MYO3A: variants seen among roughly 807,000 people sequenced by gnomAD.
MYO3A encodes the protein myosin IIIA.
Under a neutral mutation model 192.7 loss-of-function variants are expected in MYO3A, and 180 were observed. The observed-to-expected ratio is 0.93, with a 90% CI of 0.83 to 1.06. MYO3A has a LOEUF of 1.06. Ranked by LOEUF, MYO3A falls within the 50% of genes least tolerant of loss-of-function variation. The pLI is 0.00. For missense variants in MYO3A, 1,896 were observed against 1,905.0 expected, an observed-to-expected ratio of 1.00 and a Z score of 0.09; for synonymous variants, 628 against 645.3, an observed-to-expected ratio of 0.97 and a Z score of 0.41.
intron 10 of MYO3A, among the ~76,000 whole-genome samples, chr10:26,062,185 G>A (rs867468460): frequency 3.3e-5 from 5 of 151,724 alleles, no homozygotes; most frequent in Admixed American, 2.6e-4. Context: ...ATTCTAGTAA[G>A]GACTTCAAAT....
chr10:26,182,498 C>T (rs901998034), intron 31 of MYO3A, among the ~76,000 whole-genome samples: 16 of 152,106 alleles, frequency 1.1e-4, no homozygotes, highest in Admixed American at 6.5e-5. Flanking sequence ...AAGAAAAAAA[C>T]AAATGTTGTG....
chr10:25,985,945 C>T (rs1839625897), intron 4 of MYO3A, among the ~76,000 whole-genome samples: 1 of 152,062 alleles, frequency 6.6e-6, no homozygotes, highest in Non-Finnish European at 1.5e-5. Flanking sequence ...CACATAGATG[C>T]AAAAATCCTC....
chr10:26,026,807 T>C (rs1314297545), intron 10 of MYO3A, among the ~76,000 whole-genome samples: 1 of 152,134 alleles, frequency 6.6e-6, no homozygotes, highest in Non-Finnish European at 1.5e-5. Context: ...GTTCAAGCGA[T>C]TCTCCTGCCT....
intron 2 of MYO3A, among the ~76,000 whole-genome samples, chr10:25,942,789 GGT>G (rs1491175419): frequency 0.042 from 3,375 of 79,478 alleles, 149 homozygotes; most frequent in African/African-American, 0.14. Flanking sequence ...TTTTTAATTG[GGT>G]TTTTTTTTTT....
At chr10:25,977,705 G>A (rs889349995) in intron 4 of MYO3A, among the ~76,000 whole-genome samples, 3 of 152,078 alleles carry the variant, frequency 2.0e-5, no homozygotes, top group Non-Finnish European at 4.4e-5. Context: ...ACTTTGAAGA[G>A]CAAGAGTTTA....
chr10:26,006,659 C>T (rs1405197849), intron 6 of MYO3A, among the ~76,000 whole-genome samples: 1 of 152,146 alleles, frequency 6.6e-6, no homozygotes, highest in Non-Finnish European at 1.5e-5. Flanking sequence ...TGGACACATA[C>T]ACCCTCCCGA....
chr10:26,192,624 T>TCCTCCCTC (rs200465601), intron 31 of MYO3A, among the ~76,000 whole-genome samples: 1 of 150,590 alleles, frequency 6.6e-6, no homozygotes, highest in Admixed American at 6.7e-5. Context: ...GTTCTTTCCT[T>TCCTCCCTC]CCTCCCTCCC....
chr10:26,160,962 G>A (rs1841459628), intron 26 of MYO3A, among the ~76,000 whole-genome samples: 2 of 152,208 alleles, frequency 1.3e-5, no homozygotes, highest in East Asian at 1.9e-4. Flanking sequence ...TGATATTGTA[G>A]TTCAAATGTC....
chr10:26,143,496 G>A lies in MYO3A; in HGVS notation c.2311G>A (p.Asp771Asn), dbSNP rs1564591435. The change falls in exon 21 of 35, where the codon GAT becomes AAT. Residue 771 changes from aspartate to asparagine, a missense_variant. By Grantham distance (23) the Asp-to-Asn change is conservative. Coordinates refer to ENST00000642920, the MANE Select transcript of MYO3A (RefSeq NM_017433.5). ...DVDARVIEYE[D>N]NWPLLDMFLQ... The stretch of plus-strand genomic sequence containing the variant: ...GGATGCTAGAGTTATTGAATATGAG[G>A]ATAACTGGCCCCTCTTAGATATGTT... 1 of 1,613,266 alleles carries A rather than the reference G, an allele frequency of 6.2e-7. No individual in the cohort carries two copies. Among genetic ancestry groups the A allele is most frequent in the African/African-American group, 1.3e-5 (1 of 74,972 alleles).
intron 10 of MYO3A, among the ~76,000 whole-genome samples, chr10:26,056,076 A>G (rs1474177246): frequency 6.6e-6 from 1 of 152,210 alleles, no homozygotes; most frequent in Non-Finnish European, 1.5e-5. Flanking sequence ...AGTTAATATG[A>G]TAAAGGCTCT....
intron 30 of MYO3A, among the ~76,000 whole-genome samples, chr10:26,174,932 T>C (rs867184481): frequency 1.3e-5 from 2 of 152,286 alleles, no homozygotes; most frequent in Middle Eastern, 3.4e-3. Flanking sequence ...TTATGCTTTC[T>C]CCCTTTCACA....
intron 6 of MYO3A, among the ~76,000 whole-genome samples, chr10:26,012,191 A>G (rs576730928): frequency 6.6e-6 from 1 of 152,286 alleles, no homozygotes; most frequent in South Asian, 2.1e-4. Flanking sequence ...CAGGAACAAG[A>G]CAAGTAGGCC....
At chr10:26,171,066 C>G (rs1419422645) in intron 29 of MYO3A, among the ~76,000 whole-genome samples, 1 of 152,078 alleles carries the variant, frequency 6.6e-6, no homozygotes, top group Non-Finnish European at 1.5e-5. Flanking sequence ...CAGAGTATTA[C>G]AGAAAAAACA....
Position 25,997,200 on chromosome 10 carries a change from T to C in MYO3A, c.450T>C (p.Asp150=). The change falls in exon 6 of 35, where the codon GAT becomes GAC. Residue 150 remains aspartate (D), a synonymous_variant. Coordinates refer to ENST00000642920, the MANE Select transcript of MYO3A (RefSeq NM_017433.5). ...ATAACAACAAAACTATCCACAGAGA[T>C]GTGAAAGGCAATAACATTCTATTGA... is the stretch of plus-strand genomic sequence containing the variant. ...HLHNNKTIHR[D]VKGNNILLTT... is the part of the protein sequence containing the mutation. 1 of 1,613,642 alleles carries C rather than the reference T, an allele frequency of 6.2e-7. No individual in the cohort carries two copies. The highest frequency in any genetic ancestry group is 8.5e-7 in the Non-Finnish European group (1 of 1,179,700).
intron 21 of MYO3A, 43 bp downstream of exon 21, chr10:26,143,644 A>G: frequency 6.2e-7 from 1 of 1,603,718 alleles, no homozygotes; most frequent in East Asian, 2.2e-5. Context: ...TTATGAATAG[A>G]GTCTTGTCAT....
intron 1 of MYO3A, among the ~76,000 whole-genome samples, chr10:25,934,789 G>A (rs976345873): frequency 1.3e-5 from 2 of 151,322 alleles, no homozygotes; most frequent in Non-Finnish European, 1.5e-5. Flanking sequence ...AGGAGGGAAC[G>A]TGAGGAATGA....
chr10:26,197,666 C>T (rs1186960712), intron 32 of MYO3A, among the ~76,000 whole-genome samples: 1 of 152,172 alleles, frequency 6.6e-6, no homozygotes, highest in African/African-American at 2.4e-5. Flanking sequence ...CGGGTTCAAC[C>T]GATTCTCCTG....
chr10:26,146,416 C>A (rs1216293411), intron 22 of MYO3A, among the ~76,000 whole-genome samples: 1 of 152,200 alleles, frequency 6.6e-6, no homozygotes, highest in African/African-American at 2.4e-5. Flanking sequence ...GGCTGCATGA[C>A]TTAAACAACA....
intron 15 of MYO3A, among the ~76,000 whole-genome samples, chr10:26,093,567 C>T (rs373546317): frequency 1.3e-5 from 2 of 152,148 alleles, no homozygotes; most frequent in East Asian, 3.9e-4. Flanking sequence ...ACTAGATTCT[C>T]CTGATTCCTC....
Sources: allele counts gnomAD v4.1 joint callset (sites outside exome capture counted in the v4.1 genomes callset), GRCh38; gene constraint gnomAD v4.1.1; transcripts MANE v1.5; gene names NCBI Gene and HGNC (gene_info 2026-07-23, HGNC 2026-07-21).